ARHGAP39: variants seen among roughly 807,000 people sequenced by gnomAD.
The protein encoded by ARHGAP39 is Rho GTPase activating protein 39, also known as rho GTPase-activating protein 39.
Under a neutral mutation model 106.9 loss-of-function variants are expected in ARHGAP39, and 44 were observed. That is an observed-to-expected ratio of 0.41 (90% CI 0.32 to 0.53). ARHGAP39 has a LOEUF of 0.53. Among genes scored for constraint, ARHGAP39 ranks in the 20% least tolerant of loss-of-function variants. The pLI is 0.21. For synonymous variants in ARHGAP39, 768 were observed against 693.2 expected, an observed-to-expected ratio of 1.11 and a Z score of -1.69; for missense variants, 1,496 against 1,577.3, an observed-to-expected ratio of 0.95 and a Z score of 0.87.
rs541332282 is a variant in ARHGAP39 at position 144,579,201 on chromosome 8, C to CAAAAAAA, written c.512+1638_512+1644dup. 1.7e-3 allele frequency among the ~76,000 whole-genome samples: 69 copies of CAAAAAAA among 39,886 alleles called. 1 individual carries two copies. Among genetic ancestry groups the CAAAAAAA allele is most frequent in the African/African-American group, 5.1e-3 (61 of 11,904 alleles). 26.2% of individuals were successfully genotyped at this position (39,886 alleles called of 152,430 possible). A position where few individuals can be genotyped will look rare whatever the true frequency, so the allele number is the denominator to read the frequency against. Reference sequence around the variant, plus strand: ...TGGGCGACAGAGCGAGACTCTGTCTCAAAAAAAAAAAAAAAAAAAAAAAAG... The same window carrying CAAAAAAA: ...TGGGCGACAGAGCGAGACTCTGTCTCAAAAAAAAAAAAAAAAAAAAAAAAAAAAAAAG... On this transcript the variant is annotated intron_variant, in intron 3 of 11. Transcript: ENST00000377307.
At chr8:144,673,788 G>A (rs1033232947) in intron 1 of ARHGAP39, among the ~76,000 whole-genome samples, 32 of 152,358 alleles carry the variant, frequency 2.1e-4, no homozygotes, top group Admixed American at 6.5e-4. Context: ...CCTGCCAAGT[G>A]CAAGCCAGGT....
intron 2 of ARHGAP39, among the ~76,000 whole-genome samples, chr8:144,602,724 A>G: frequency 9.4e-6 from 1 of 106,622 alleles, no homozygotes; most frequent in East Asian, 3.1e-4. Flanking sequence ...GCGCTCGTGT[A>G]CCTGTGTGTG....
Position 144,547,585 on chromosome 8 carries a change from A to G in ARHGAP39, c.1501T>C (p.Leu501=), listed in dbSNP as rs2130843587. 2 of 1,475,588 alleles carry G rather than the reference A, an allele frequency of 1.4e-6. No homozygotes were observed. The highest frequency in any genetic ancestry group is 1.8e-6 in the Non-Finnish European group (2 of 1,115,362). The allele number at this position is 1,475,588 out of a possible 1,614,324, so 91.4% of individuals were successfully genotyped here. ...TRKRKSRKPS[L]CQATSATPTE... ...GGGGTGGCGCTGGTGGCTTGGCACA[A>G]AGAGGGCTTTCTGCTCTTCCGCTTG... The change falls in exon 5 of 12, where the codon TTG becomes CTG. Residue 501 remains leucine, a synonymous_variant. Coordinates refer to ENST00000377307, the MANE Select transcript of ARHGAP39 (RefSeq NM_025251.3). This position sits in a 1 kb window ranked among gnomAD's most constrained non-coding sequence, Gnocchi z 5.2.
At chr8:144,552,312 G>A (rs550996511) in intron 4 of ARHGAP39, among the ~76,000 whole-genome samples, 5 of 152,362 alleles carry the variant, frequency 3.3e-5, no homozygotes, top group South Asian at 2.1e-4. Flanking sequence ...CCAGAAGCGC[G>A]TCCCTGCTGC....
intron 1 of ARHGAP39, among the ~76,000 whole-genome samples, chr8:144,662,183 T>G (rs1821840206): frequency 6.9e-6 from 1 of 144,764 alleles, no homozygotes; most frequent in Non-Finnish European, 1.5e-5. Flanking sequence ...CCACCTTGGA[T>G]CACTCCACCC....
rs1048711890 is a variant in ARHGAP39, at chr8:144,645,595, C to T, written c.-81-39900G>A. ...CTCCCTGCCTCACTCTGGTCTCTCC[C>T]GGCACAGAGTCCCATGAATGTCATC... On this transcript the variant is annotated intron_variant, in intron 1 of 11. Transcript: ENST00000377307. The surrounding 1 kb of genome is among the most constrained non-coding windows in gnomAD (Gnocchi z 4.4). 3.3e-5 allele frequency among the ~76,000 whole-genome samples: 5 copies of T among 152,240 alleles called. No individual in the cohort carries two copies. The highest frequency in any genetic ancestry group is 7.3e-5 in the Non-Finnish European group (5 of 68,036).
Position 144,605,603 on chromosome 8 carries a change from C to T in ARHGAP39, c.12G>A (p.Thr4=), listed in dbSNP as rs61734975. MSQ[T]QDYECRSHNV... The stretch of plus-strand genomic sequence containing the variant: ...TATGGCTCCTGCACTCGTAGTCCTG[C>T]GTCTGGGACATCGCTGTTTGCTTCC... Residue 4 remains threonine, a synonymous_variant, in exon 2 of 12, where the codon ACG becomes ACA. Transcript: ENST00000377307. 0.027 allele frequency: 43,395 copies of T among 1,613,392 alleles called. 984 individuals are homozygous for T. The highest frequency in any genetic ancestry group is 0.094 in the Admixed American group (5,671 of 60,024).
rs144914750 is a variant in ARHGAP39 at position 144,669,925 on chromosome 8, G to C, written c.-82+15761C>G. Among the ~76,000 whole-genome samples, 988 of 152,334 alleles carry C rather than the reference G, an allele frequency of 6.5e-3. 12 individuals are homozygous for C. Among genetic ancestry groups the C allele is most frequent in the African/African-American group, 0.022 (921 of 41,576 alleles). ...CCTTATGTATCGCTGTGGAAACGTAGGACGGGGCAGCTGCTTTGGAAAACA... is the reference window on the plus strand; with the variant it reads ...CCTTATGTATCGCTGTGGAAACGTACGACGGGGCAGCTGCTTTGGAAAACA... On this transcript the variant is annotated intron_variant, in intron 1 of 11. Coordinates refer to ENST00000377307, the MANE Select transcript of ARHGAP39 (RefSeq NM_025251.3).
At chr8:144,571,277 T>A (rs1489318095) in intron 3 of ARHGAP39, among the ~76,000 whole-genome samples, 1 of 152,172 alleles carries the variant, frequency 6.6e-6, no homozygotes, top group Non-Finnish European at 1.5e-5. Flanking sequence ...AAAAAGCTTA[T>A]CCACCACGAT....
the ARHGAP39 span, among the ~76,000 whole-genome samples, chr8:144,694,252 G>C: frequency 6.6e-6 from 1 of 152,190 alleles, no homozygotes; most frequent in Admixed American, 6.5e-5. Flanking sequence ...AGCAAGAGCT[G>C]GAGCCAAAAG....
At chr8:144,690,471 G>C (rs1412224513), upstream of ARHGAP39, among the ~76,000 whole-genome samples, 1 of 151,804 alleles carries the variant, frequency 6.6e-6, no homozygotes, top group East Asian at 1.9e-4. Context: ...TCCAACACTT[G>C]TTAATTTCTG....
chr8:144,600,823 G>A (rs565964538), intron 2 of ARHGAP39, among the ~76,000 whole-genome samples: 81 of 151,678 alleles, frequency 5.3e-4, no homozygotes, highest in East Asian at 3.9e-3. Flanking sequence ...GTGTGTGTGC[G>A]TGGAGGCGTG....
intron 6 of ARHGAP39, among the ~76,000 whole-genome samples, chr8:144,541,256 C>T: frequency 6.6e-6 from 1 of 152,228 alleles, no homozygotes; most frequent in East Asian, 1.9e-4. Flanking sequence ...GGTTTGCTGC[C>T]TGCTTCAGCT....
At chr8:144,627,707 G>A (rs1362034834) in intron 1 of ARHGAP39, among the ~76,000 whole-genome samples, 4 of 152,108 alleles carry the variant, frequency 2.6e-5, no homozygotes, top group Non-Finnish European at 2.9e-5. Context: ...ACAGTGAGCC[G>A]AAATGGTGCC....
At chr8:144,693,359 G>A in the ARHGAP39 span, among the ~76,000 whole-genome samples, 2,768 of 122,264 alleles carry the variant, frequency 0.023, 75 homozygotes, top group African/African-American at 0.079. Flanking sequence ...CACCGCGCCC[G>A]GCAGTAAAAT....
rs1186668396 is a variant in ARHGAP39 at position 144,684,823 on chromosome 8, C to A, written c.-82+863G>T. On this transcript the variant is annotated intron_variant, in intron 1 of 11. Transcript: ENST00000377307. This position sits in a 1 kb window ranked among gnomAD's most constrained non-coding sequence, Gnocchi z 4.4. ...GCGCCGGAGCCCCAGCCCGCGCCTGCCGCAGAGGCGAGGCCGCAGAGCCCA... is the reference window on the plus strand; with the variant it reads ...GCGCCGGAGCCCCAGCCCGCGCCTGACGCAGAGGCGAGGCCGCAGAGCCCA... 2.0e-5 allele frequency among the ~76,000 whole-genome samples: 3 copies of A among 152,196 alleles called. No individual in the cohort carries two copies. Among genetic ancestry groups the A allele is most frequent in the Non-Finnish European group, 4.4e-5 (3 of 68,020 alleles).
chr8:144,605,972 A>T (rs542023060), intron 1 of ARHGAP39, among the ~76,000 whole-genome samples: 86 of 152,298 alleles, frequency 5.6e-4, no homozygotes, highest in African/African-American at 1.9e-3. Context: ...CCACTCCACG[A>T]TGGGCCGGGG....
At chr8:144,678,219 G>A (rs2129753633) in intron 1 of ARHGAP39, among the ~76,000 whole-genome samples, 1 of 151,924 alleles carries the variant, frequency 6.6e-6, no homozygotes, top group East Asian at 1.9e-4. Context: ...GCACTGAGCT[G>A]TGATCATACC....
intron 1 of ARHGAP39, among the ~76,000 whole-genome samples, chr8:144,620,704 G>A (rs1318345496): frequency 6.6e-6 from 1 of 152,228 alleles, no homozygotes; most frequent in Non-Finnish European, 1.5e-5. Context: ...TTCAGGTCCA[G>A]ACCGCCCTCT....
Sources: allele counts gnomAD v4.1 joint callset (sites outside exome capture counted in the v4.1 genomes callset), GRCh38; gene constraint gnomAD v4.1.1; non-coding constraint Gnocchi (gnomAD v3.1); transcripts MANE v1.5; gene names NCBI Gene and HGNC (gene_info 2026-07-23, HGNC 2026-07-21).